Variants in RGL1 observed in about 807,000 individuals in gnomAD.
The protein encoded by RGL1 is ral guanine nucleotide dissociation stimulator-like 1.
In RGL1, 24 loss-of-function variants were observed where a neutral mutation model predicts 95.2. The ratio of observed to expected loss-of-function variants is 0.25; its 90% CI spans 0.18 to 0.35. The LOEUF is 0.35. Among genes scored for constraint, RGL1 ranks in the 10% least tolerant of loss-of-function variants. The pLI, the probability that RGL1 is intolerant of heterozygous loss-of-function variation, is 1.00. For missense variants in RGL1, 715 were observed against 936.3 expected, an observed-to-expected ratio of 0.76 and a Z score of 3.08; for synonymous variants, 329 against 344.9, an observed-to-expected ratio of 0.95 and a Z score of 0.51.
At position 183,647,781 on chromosome 1, in the gene RGL1, C is replaced by T. The variant is rs749579868; in HGVS notation, c.-33+11280C>T. On this transcript the variant is annotated intron_variant, in intron 1 of 18. Transcript: ENST00000304685. ...CACTGACCTTCCAGTGGGAAGCCTT[C>T]CAAGGTCCTTGGTTTCCTGGAATGA... The T allele has an allele frequency of 8.7e-6, 14 of 1,614,062 alleles. No homozygotes were observed. The highest frequency in any genetic ancestry group is 3.3e-4 in the Middle Eastern group (2 of 6,084).
intron 3 of RGL1, among the ~76,000 whole-genome samples, chr1:183,863,952 C>T (rs968118408): frequency 1.3e-5 from 2 of 152,206 alleles, no homozygotes; most frequent in African/African-American, 4.8e-5. Context: ...GAACTTGGCT[C>T]ACCAGTATAA....
At chr1:183,744,905 C>T (rs577394410) in intron 2 of RGL1, among the ~76,000 whole-genome samples, 1 of 152,248 alleles carries the variant, frequency 6.6e-6, no homozygotes, top group South Asian at 2.1e-4. Context: ...CTGGAAGTGG[C>T]ATGCTGAGTT....
In RGL1 at chr1:183,869,854, T is replaced by C. The variant is rs1006182688; in HGVS notation, c.425+3781T>C. The stretch of plus-strand genomic sequence containing the variant: ...CTGGCATCTGACTTGCAGCAATGAT[T>C]GAGGGCTTCCTGATGATCAATAGAT... On this transcript the variant is annotated intron_variant, in intron 4 of 17. Transcript: ENST00000360851. Among the ~76,000 whole-genome samples the C allele has an allele frequency of 5.3e-5, 8 of 152,306 alleles. No individual in the cohort carries two copies. In the Middle Eastern group the frequency reaches 0.014, roughly 259 times the overall value.
intron 1 of RGL1, among the ~76,000 whole-genome samples, chr1:183,717,537 T>C (rs1655699753): frequency 6.6e-6 from 1 of 152,240 alleles, no homozygotes; most frequent in Admixed American, 6.5e-5. Flanking sequence ...ACTTATAGCC[T>C]GATAGTGACA....
At chr1:183,758,155 C>T (rs949949554) in intron 2 of RGL1, among the ~76,000 whole-genome samples, 22 of 152,132 alleles carry the variant, frequency 1.4e-4, no homozygotes, top group African/African-American at 5.3e-4. Context: ...AGTTGGACTG[C>T]CACAATGAAA....
At chr1:183,770,704 G>A (rs917722783) in intron 2 of RGL1, among the ~76,000 whole-genome samples, 2 of 152,184 alleles carry the variant, frequency 1.3e-5, no homozygotes, top group African/African-American at 2.4e-5. Flanking sequence ...CGATCATGAC[G>A]GGTGAGGGGT....
At chr1:183,788,591 T>C (rs1440164423) in intron 2 of RGL1, among the ~76,000 whole-genome samples, 1 of 152,200 alleles carries the variant, frequency 6.6e-6, no homozygotes, top group Non-Finnish European at 1.5e-5. Flanking sequence ...GTATGTATCA[T>C]TTAGTACTTT....
intron 2 of RGL1, among the ~76,000 whole-genome samples, chr1:183,757,212 T>A (rs1658396729): frequency 6.6e-6 from 1 of 152,192 alleles, no homozygotes; most frequent in Non-Finnish European, 1.5e-5. Flanking sequence ...TATGACCTCT[T>A]CTCTATCCAG....
intron 16 of RGL1, among the ~76,000 whole-genome samples, chr1:183,921,424 AT>A (rs557233087): frequency 8.5e-5 from 13 of 152,264 alleles, no homozygotes; most frequent in African/African-American, 3.1e-4. Context: ...CTAGAGGTTC[AT>A]TTTCTAATGC....
chr1:183,806,529 C>A, intron 2 of RGL1, 44 bp downstream of exon 2: 1 of 1,302,610 alleles, frequency 7.7e-7, no homozygotes, highest in Non-Finnish European at 1.1e-6. Flanking sequence ...ATTTCAGTGT[C>A]TGTCGTTCTG....
chr1:183,700,407 G>A (rs1170876491), intron 1 of RGL1, among the ~76,000 whole-genome samples: 2 of 150,568 alleles, frequency 1.3e-5, no homozygotes, highest in African/African-American at 4.9e-5. Context: ...CAGAAAAATG[G>A]ACAGAAAGCA....
intron 1 of RGL1, among the ~76,000 whole-genome samples, chr1:183,680,888 C>T (rs1224023121): frequency 6.6e-6 from 1 of 152,044 alleles, no homozygotes; most frequent in East Asian, 1.9e-4. Context: ...TGAAGAGGTC[C>T]TTCATATCCC....
At chr1:183,762,455 TC>T (rs1402583713) in intron 2 of RGL1, among the ~76,000 whole-genome samples, 1 of 152,190 alleles carries the variant, frequency 6.6e-6, no homozygotes, top group Non-Finnish European at 1.5e-5. Context: ...TCAATTTTTT[TC>T]CAGCCTACAT....
intron 11 of RGL1, 93 bp from the exon 12 acceptor site, chr1:183,902,475 C>A: frequency 2.2e-6 from 2 of 920,384 alleles, no homozygotes; most frequent in South Asian, 2.0e-5. Context: ...ACTTTATCAC[C>A]CCTTTGATCT....
rs145673301 is a variant in RGL1, at chr1:183,835,973, G to T, written c.139-11593G>T. 2.3e-3 allele frequency among the ~76,000 whole-genome samples: 343 copies of T among 152,228 alleles called. 1 individual carries two copies. Among genetic ancestry groups the T allele is most frequent in the African/African-American group, 6.3e-3 (261 of 41,530 alleles). On this transcript the variant is annotated intron_variant, in intron 2 of 17. Coordinates refer to ENST00000360851, the MANE Select transcript of RGL1 (RefSeq NM_001297671.3). The stretch of plus-strand genomic sequence containing the variant: ...GGAATATTCCATGATTGAAAGACAG[G>T]GCTGGTTTTATATCCTTGCTTTAAT...
chr1:183,645,601 C>T (rs2101984751), intron 1 of RGL1, among the ~76,000 whole-genome samples: 1 of 152,342 alleles, frequency 6.6e-6, no homozygotes, highest in East Asian at 1.9e-4. Flanking sequence ...CTCTCTCAAT[C>T]CCCGGCCAGC....
chr1:183,684,993 G>T (rs1008666781), intron 1 of RGL1, among the ~76,000 whole-genome samples: 4 of 152,314 alleles, frequency 2.6e-5, no homozygotes, highest in Middle Eastern at 3.4e-3. Context: ...CGCCTTCTGC[G>T]TTGATCTTGC....
At chr1:183,763,354 T>A (rs1035237799) in intron 2 of RGL1, among the ~76,000 whole-genome samples, 1 of 152,146 alleles carries the variant, frequency 6.6e-6, no homozygotes. Context: ...AACCTGCACG[T>A]TCTGCACATG....
chr1:183,847,970 A>G (rs1007045289), intron 3 of RGL1, among the ~76,000 whole-genome samples, 196 bp downstream of exon 3: 4 of 152,236 alleles, frequency 2.6e-5, no homozygotes, highest in African/African-American at 9.6e-5. Flanking sequence ...GGGGAAAAAT[A>G]TCTCCTAAAA....
Sources: gnomAD v4.1 joint callset for allele counts (sites outside exome capture counted in the v4.1 genomes callset) on GRCh38, gnomAD v4.1.1 for gene constraint, MANE v1.5 for transcripts, NCBI Gene and HGNC (gene_info 2026-07-23, HGNC 2026-07-21) for gene names.